The following JAG2 variants were observed in gnomAD, a reference collection of about 807,000 sequenced individuals.
The protein encoded by JAG2 is protein jagged-2.
Under a neutral mutation model 141.7 loss-of-function variants are expected in JAG2, and 46 were observed. That is an observed-to-expected ratio of 0.32 (90% CI 0.26 to 0.42). The LOEUF (loss-of-function observed/expected upper bound fraction) is 0.42, where lower values mean the gene tolerates loss of function less well. Ranked by LOEUF, JAG2 falls within the 10% of genes least tolerant of loss-of-function variation. The probability of loss-of-function intolerance (pLI) is 1.00; values close to 1 mark genes in which losing one functional copy is unlikely to be tolerated. For synonymous variants in JAG2, 862 were observed against 763.5 expected (o/e 1.13, Z -2.13); for missense variants, 1,500 against 1,817.5 (o/e 0.83, Z 3.18).
rs200966804 is a variant in JAG2 at position 105,155,943 on chromosome 14, C to T, written c.522G>A (p.Pro174=). 1.2e-4 allele frequency: 195 copies of T among 1,610,602 alleles called. No individual in the cohort carries two copies. In the African/African-American group the frequency reaches 1.3e-3, roughly 11 times the overall value. The change falls in exon 4 of 26, where the codon CCG becomes CCA. Residue 174 remains proline (P), a synonymous_variant. Transcript: ENST00000331782. The part of the protein sequence containing the change: ...ERVSHAGMIN[P]EDRWKSLHFS... ...AGTGCAGGCTCTTCCAGCGGTCCTC[C>T]GGGTTGATCATGCCGGCATGCGACA...
In JAG2 at chr14:105,149,050, G is replaced by C. The variant is rs1305746851; in HGVS notation, c.1793C>G (p.Pro598Arg). 48 of 1,609,146 alleles carry C rather than the reference G, an allele frequency of 3.0e-5. No homozygotes were observed. Among genetic ancestry groups the C allele is most frequent in the Non-Finnish European group, 4.0e-5 (47 of 1,178,644 alleles). The change falls in exon 14 of 26, where the codon CCT becomes CGT. Residue 598 changes from proline (P) to arginine (R), a missense_variant. By Grantham distance (103) the Pro-to-Arg change is moderately radical. Transcript: ENST00000331782. ...GCGSDAGPGM[P>R]GTAASGVCGP... ...ACACACGCCGGAGGCTGCTGTGCCA[G>C]GCATCCCAGGCCCCGCGTCTGACCC... is the stretch of plus-strand genomic sequence containing the variant.
At chr14:105,152,093 G>T (rs376091870) in intron 6 of JAG2, 36 bp from the exon 7 acceptor site, 15 of 1,613,040 alleles carry the variant, frequency 9.3e-6, no homozygotes, top group Non-Finnish European at 1.3e-5. Context: ...GGGAAAAGCC[G>T]GCCCCCCGCT....
intron 18 of JAG2, 109 bp downstream of exon 18, chr14:105,147,663 G>C: frequency 9.2e-7 from 1 of 1,081,988 alleles, no homozygotes; most frequent in East Asian, 2.6e-5. Context: ...GCTGGGGGCA[G>C]GGGCAGCAGG....
At chr14:105,149,375 C>T (rs1888341305) in intron 12 of JAG2, 55 bp from the exon 13 acceptor site, 3 of 1,606,676 alleles carry the variant, frequency 1.9e-6, no homozygotes, top group Non-Finnish European at 1.7e-6. Flanking sequence ...GCCGGGAACA[C>T]AGGCCAGGCC....
At chr14:105,149,509 T>G (rs1319962687) in intron 12 of JAG2, among the ~76,000 whole-genome samples, 189 bp from the exon 13 acceptor site, 1 of 151,826 alleles carries the variant, frequency 6.6e-6, no homozygotes. Context: ...TGAACGCAGA[T>G]ACCTGTGGGC....
Position 105,155,473 on chromosome 14 carries a change from G to A in JAG2, c.788+89C>T, listed in dbSNP as rs945824894. On this transcript the variant is annotated intron_variant, in intron 5 of 25. Coordinates refer to ENST00000331782, the MANE Select transcript of JAG2 (RefSeq NM_002226.5). ...GTGTGCCCAACCTCCAGCCAGCTCCGGGCGACTCCTGACAGCAAGGCTGTG... is the reference window on the plus strand; with the variant it reads ...GTGTGCCCAACCTCCAGCCAGCTCCAGGCGACTCCTGACAGCAAGGCTGTG... The A allele has an allele frequency of 2.3e-4, 342 of 1,477,208 alleles. 2 individuals are homozygous for A. Among genetic ancestry groups the A allele is most frequent in the African/African-American group, 5.5e-5 (4 of 72,276 alleles). 91.5% of individuals were successfully genotyped at this position (1,477,208 alleles called of 1,614,324 possible).
chr14:105,144,780 T>C (rs1027130389), intron 24 of JAG2, 150 bp downstream of exon 24: 17 of 1,032,962 alleles, frequency 1.6e-5, no homozygotes, highest in Non-Finnish European at 4.3e-6. Flanking sequence ...GTCTGCGGCA[T>C]GGACAGCGAG....
In JAG2 at chr14:105,148,808, C is replaced by T. The variant is rs1308819366; in HGVS notation, c.1957G>A (p.Asp653Asn). The change falls in exon 15 of 26, where the codon GAT (aspartate) becomes AAT (asparagine). Residue 653 changes from aspartate to asparagine, a missense_variant. By Grantham distance (23) the Asp-to-Asn change is conservative (BLOSUM62 1). This residue lies in a region of JAG2 where 875 missense variants were observed against 1,202.2 expected (regional missense o/e 0.73). Coordinates refer to ENST00000331782, the MANE Select transcript of JAG2 (RefSeq NM_002226.5). ...AAGCAGCGGAAGGCGTCCACCTCAT[C>T]GATGCATGTGCCCCCATTGCGGCAG... Reference protein sequence around the residue: ...QPCRNGGTCIDEVDAFRCFCP... With the variant: ...QPCRNGGTCINEVDAFRCFCP... The T allele has an allele frequency of 6.3e-7, 1 of 1,598,830 alleles. No homozygotes were observed. The highest frequency in any genetic ancestry group is 1.7e-5 in the Admixed American group (1 of 58,398).
rs367935890 is a variant in JAG2, at chr14:105,142,734, G to C, written c.3678C>G (p.Val1226=). Residue 1226 remains valine (V), a synonymous_variant, in exon 26 of 26, where the codon GTC becomes GTG. Transcript: ENST00000331782. ...ASGPKVDNRA[V]RSINEARYAG... ...CGTAGCGGGCCTCATTGATGCTCCTGACCGCGCGGTTGTCCACTTTGGGGC... is the reference window on the plus strand; with the variant it reads ...CGTAGCGGGCCTCATTGATGCTCCTCACCGCGCGGTTGTCCACTTTGGGGC... The C allele has an allele frequency of 4.7e-5, 75 of 1,608,440 alleles. No homozygotes were observed. The African/African-American group carries it at 9.4e-4, about 20-fold the overall frequency.
rs1461665688 is a variant in JAG2, at chr14:105,148,105, G to T, written c.2248+11C>A. The stretch of plus-strand genomic sequence containing the variant: ...TGCCCGGCGGTCGCAGAGGCAGCGG[G>T]GGCTCCTCACCGACGGCGCAGGTGC... On this transcript the variant is annotated intron_variant, in intron 17 of 25. Transcript: ENST00000331782. 6 of 1,538,998 alleles carry T rather than the reference G, an allele frequency of 3.9e-6. No homozygotes were observed. The highest frequency in any genetic ancestry group is 1.4e-5 in the African/African-American group (1 of 72,788).
rs369465389 is a variant in JAG2 at position 105,143,590 on chromosome 14, C to T, written c.3133G>A (p.Ala1045Thr). The change falls in exon 25 of 26, where the codon GCG becomes ACG. Residue 1045 changes from alanine (A) to threonine (T), a missense_variant. Ala to Thr is a moderately conservative substitution (Grantham distance 58, BLOSUM62 0). Transcript: ENST00000331782. ...ATGGCGGCCACGATGGCGTGGGCCG[C>T]GCCCTGGATCAGGCTGCTGTCAGGC... is the stretch of plus-strand genomic sequence containing the variant. ...DLPDSSLIQG[A>T]AHAIVAAITQ... 2.3e-5 allele frequency: 37 copies of T among 1,606,924 alleles called. No homozygotes were observed. Among genetic ancestry groups the T allele is most frequent in the Non-Finnish European group, 2.8e-5 (33 of 1,179,066 alleles).
chr14:105,147,979 C>T (rs1019941452), intron 17 of JAG2, 91 bp from the exon 18 acceptor site: 2 of 1,205,428 alleles, frequency 1.7e-6, no homozygotes, highest in Admixed American at 2.0e-5. Context: ...ACAGGGCAGA[C>T]AGACCCGGGG....
chr14:105,155,502 G>C, intron 5 of JAG2, 60 bp downstream of exon 5: 1 of 1,575,610 alleles, frequency 6.3e-7, no homozygotes, highest in Non-Finnish European at 8.7e-7. Context: ...GGCTGTGTGT[G>C]CCAGTGAGGA....
At chr14:105,161,201 G>A (rs1028816285) in intron 2 of JAG2, among the ~76,000 whole-genome samples, 1 of 150,562 alleles carries the variant, frequency 6.6e-6, no homozygotes, top group East Asian at 2.0e-4. Context: ...GTCTGTTGTT[G>A]GGGGTCTGAG....
At chr14:105,152,325 A>T in intron 5 of JAG2, 34 bp from the exon 6 acceptor site, 1 of 1,607,706 alleles carries the variant, frequency 6.2e-7, no homozygotes, top group Non-Finnish European at 8.5e-7. Context: ...AGACCCAGTG[A>T]GCTGTGGTGC....
chr14:105,160,343 G>A (rs1208084264), intron 2 of JAG2, among the ~76,000 whole-genome samples: 1 of 20,594 alleles, frequency 4.9e-5, no homozygotes, highest in African/African-American at 2.3e-4. Flanking sequence ...CCATCTGCCT[G>A]GAGCACCACC....
At chr14:105,145,099 C>T (rs775384115) in intron 23 of JAG2, 38 bp from the exon 24 acceptor site, 32 of 1,605,890 alleles carry the variant, frequency 2.0e-5, no homozygotes, top group African/African-American at 2.7e-5. Context: ...AGGGCAGGGC[C>T]GTGAACCTGA....
Position 105,168,003 on chromosome 14 carries a change from C to T in JAG2, c.171G>A (p.Thr57=), listed in dbSNP as rs761294222. ...CGTCGTGGCCGCAGCCCCCCGCGCG[C>T]GTTGTCCGGCCGTCGCCGTCACAGC... ...GACCDGDGRT[T]RAGGCGHDEC... Residue 57 remains threonine (T), a synonymous_variant, in exon 2 of 26, where the codon ACG becomes ACA. Coordinates refer to ENST00000331782, the MANE Select transcript of JAG2 (RefSeq NM_002226.5). The T allele has an allele frequency of 3.7e-6, 6 of 1,600,476 alleles. No individual in the cohort carries two copies. Among genetic ancestry groups the T allele is most frequent in the African/African-American group, 1.3e-5 (1 of 74,366 alleles).
intron 2 of JAG2, among the ~76,000 whole-genome samples, chr14:105,161,672 T>C (rs115507014): frequency 0.015 from 2,229 of 152,182 alleles, 56 homozygotes; most frequent in African/African-American, 0.051. Flanking sequence ...ACCTGCCAGC[T>C]CTCCCAGCTC....
Sources: allele counts gnomAD v4.1 joint callset (sites outside exome capture counted in the v4.1 genomes callset), GRCh38; gene constraint gnomAD v4.1.1; regional missense constraint gnomAD v4.1.1; transcripts MANE v1.5; gene names NCBI Gene and HGNC (gene_info 2026-07-23, HGNC 2026-07-21).